The following RIPOR2 variants were observed in gnomAD, a reference collection of about 807,000 sequenced individuals.
The protein encoded by RIPOR2 is rho family-interacting cell polarization regulator 2.
In RIPOR2, 39 loss-of-function variants were observed where a neutral mutation model predicts 114.5. The observed-to-expected ratio is 0.34, with a 90% CI of 0.26 to 0.44. The LOEUF is 0.44. RIPOR2 is among the 20% of genes least tolerant of loss of function. The probability of loss-of-function intolerance (pLI) is 1.00; values close to 1 mark genes in which losing one functional copy is unlikely to be tolerated. For synonymous variants in RIPOR2, 445 were observed against 484.4 expected (o/e 0.92, Z 1.07); for missense variants, 1,007 against 1,255.1 (o/e 0.80, Z 2.99).
intron 1 of RIPOR2, among the ~76,000 whole-genome samples, chr6:24,971,558 C>A (rs1773788694): frequency 6.6e-6 from 1 of 152,194 alleles, no homozygotes; most frequent in South Asian, 2.1e-4. Context: ...ATTTTTCTTT[C>A]TTCCTATGCG....
At chr6:25,011,889 C>A (rs548687178) in intron 1 of RIPOR2, among the ~76,000 whole-genome samples, 5 of 152,244 alleles carry the variant, frequency 3.3e-5, no homozygotes, top group African/African-American at 1.2e-4. Context: ...TATTGGACAT[C>A]ATCAAAATCA....
rs113246712 is a variant in RIPOR2 at position 24,910,676 on chromosome 6, T to C, written c.61+25162A>G. On this transcript the variant is annotated intron_variant, in intron 1 of 21. Transcript: ENST00000643898. The stretch of plus-strand genomic sequence containing the variant: ...CAGATGCCCGAACCCACCAGGGTGG[T>C]GGAAGCTGAGGACGCTCCAGTTTCA... The C allele has an allele frequency of 4.1e-3, 1,516 of 371,252 alleles. 21 individuals are homozygous for C. The highest frequency in any genetic ancestry group is 0.031 in the African/African-American group (1,408 of 45,474). 23.0% of individuals were successfully genotyped at this position (371,252 alleles called of 1,614,324 possible).
chr6:24,847,744 C>T, intron 12 of RIPOR2: 1 of 1,499,810 alleles, frequency 6.7e-7, no homozygotes, highest in Non-Finnish European at 9.0e-7. Flanking sequence ...CAGGTTACTA[C>T]ATTTTGTTAG....
At chr6:24,818,099 G>A (rs1344017852) in intron 20 of RIPOR2, among the ~76,000 whole-genome samples, 8 of 151,740 alleles carry the variant, frequency 5.3e-5, no homozygotes, top group Admixed American at 5.3e-4. Context: ...GAGTAGCTGG[G>A]ATTACAGGCA....
chr6:25,019,792 A>AG (rs1776219622), intron 1 of RIPOR2, among the ~76,000 whole-genome samples: 6 of 149,782 alleles, frequency 4.0e-5, no homozygotes, highest in Admixed American at 2.0e-4. Flanking sequence ...AAAAAAAAAA[A>AG]AAAAAAGAAA....
chr6:24,962,084 G>C (rs1209484501), intron 1 of RIPOR2, among the ~76,000 whole-genome samples: 3 of 152,282 alleles, frequency 2.0e-5, no homozygotes, highest in Non-Finnish European at 4.4e-5. Flanking sequence ...GCAGTCTGGC[G>C]CCAGAACCCA....
At chr6:24,877,233 G>A in intron 1 of RIPOR2, 1 of 985,424 alleles carries the variant, frequency 1.0e-6, no homozygotes, top group Non-Finnish European at 1.2e-6. Flanking sequence ...GGCAGTTTGA[G>A]CGAGTTACTT....
chr6:24,855,143 T>G (rs1763331463), intron 8 of RIPOR2, among the ~76,000 whole-genome samples: 1 of 149,790 alleles, frequency 6.7e-6, no homozygotes, highest in Non-Finnish European at 1.5e-5. Context: ...CTGTTAAAAA[T>G]AATTATCTCT....
Position 25,034,280 on chromosome 6 carries a change from A to G in RIPOR2, c.76+7571T>C, listed in dbSNP as rs55873249. Among the ~76,000 whole-genome samples, 249 of 123,596 alleles carry G rather than the reference A, an allele frequency of 2.0e-3. 2 individuals are homozygous for G. Among genetic ancestry groups the G allele is most frequent in the African/African-American group, 7.2e-3 (233 of 32,468 alleles). The allele number at this position is 123,596 out of a possible 152,430, so 81.1% of individuals were successfully genotyped here. ...AAATCAAGACATATTTTTCAGTGCTACTGCCCAAGTTTACAGTTTTGACAA... is the reference window on the plus strand; with the variant it reads ...AAATCAAGACATATTTTTCAGTGCTGCTGCCCAAGTTTACAGTTTTGACAA... On this transcript the variant is annotated intron_variant, in intron 1 of 13. Coordinates refer to the RIPOR2 transcript ENST00000510784.
chr6:25,040,592 C>CTTT (rs34600543), intron 1 of RIPOR2, among the ~76,000 whole-genome samples: 5 of 136,062 alleles, frequency 3.7e-5, no homozygotes, highest in Admixed American at 7.4e-5. Flanking sequence ...GTGTTTCTTG[C>CTTT]TTTTTTTTTT....
chr6:24,930,826 C>T (rs1032481055), intron 1 of RIPOR2, among the ~76,000 whole-genome samples: 6 of 152,218 alleles, frequency 3.9e-5, no homozygotes, highest in Admixed American at 3.9e-4. Flanking sequence ...GAAACTAGGG[C>T]AGCCTCTTTC....
chr6:24,833,733 A>C lies in RIPOR2; in HGVS notation c.2209-1342T>G, dbSNP rs554822704. ...ACGCAAGCCAGAAGGTAAGTTTCTA[A>C]ATCTCATTCCTTCAATCTACATCTT... On this transcript the variant is annotated intron_variant, in intron 15 of 21. Coordinates refer to ENST00000643898, the MANE Select transcript of RIPOR2 (RefSeq NM_001286445.3). Among the ~76,000 whole-genome samples, 3 of 152,302 alleles carry C rather than the reference A, an allele frequency of 2.0e-5. No homozygotes were observed. In the South Asian group the frequency reaches 6.2e-4, roughly 32 times the overall value.
intron 9 of RIPOR2, among the ~76,000 whole-genome samples, chr6:24,851,722 A>G (rs1762942718): frequency 6.6e-6 from 1 of 151,846 alleles, no homozygotes; most frequent in South Asian, 2.1e-4. Flanking sequence ...ATGATCAGCC[A>G]TGATCCTGGA....
chr6:24,957,271 T>G (rs550467191), intron 1 of RIPOR2, among the ~76,000 whole-genome samples: 2 of 152,232 alleles, frequency 1.3e-5, no homozygotes, highest in South Asian at 4.1e-4. Flanking sequence ...TGCCAGTCAC[T>G]GTTCTTGGTG....
chr6:24,952,184 G>A (rs972799934), intron 1 of RIPOR2, among the ~76,000 whole-genome samples: 5 of 152,190 alleles, frequency 3.3e-5, no homozygotes, highest in African/African-American at 1.2e-4. Context: ...TTGTTGGCTG[G>A]GTAGGCTGCA....
intron 1 of RIPOR2, among the ~76,000 whole-genome samples, chr6:24,959,698 G>A (rs1188125635): frequency 1.3e-5 from 2 of 152,118 alleles, no homozygotes; most frequent in African/African-American, 4.8e-5. Context: ...GTAAATTTTG[G>A]AAGAAGGCCA....
intron 1 of RIPOR2, among the ~76,000 whole-genome samples, chr6:24,983,858 A>G (rs569427541): frequency 6.6e-6 from 1 of 151,038 alleles, no homozygotes; most frequent in South Asian, 2.1e-4. Flanking sequence ...CTCTGCAGCT[A>G]GGTGTGGCCA....
intron 8 of RIPOR2, among the ~76,000 whole-genome samples, chr6:24,857,087 C>T (rs914282566): frequency 1.3e-5 from 2 of 152,156 alleles, no homozygotes; most frequent in African/African-American, 4.8e-5. Context: ...ACTATCCAGG[C>T]ACAAACAGCT....
intron 1 of RIPOR2, among the ~76,000 whole-genome samples, chr6:24,876,547 G>T (rs1765781280): frequency 6.6e-6 from 1 of 152,132 alleles, no homozygotes; most frequent in Non-Finnish European, 1.5e-5. Flanking sequence ...ACACCTAGGG[G>T]TCATAAAGCT....
Sources: allele counts gnomAD v4.1 joint callset (sites outside exome capture counted in the v4.1 genomes callset), GRCh38; gene constraint gnomAD v4.1.1; transcripts MANE v1.5; gene names NCBI Gene and HGNC (gene_info 2026-07-23, HGNC 2026-07-21).